Variants in RBM33 observed in about 807,000 individuals in gnomAD.
RBM33 encodes RNA-binding protein 33.
Under a neutral mutation model 132.6 loss-of-function variants are expected in RBM33, and 28 were observed. The ratio of observed to expected loss-of-function variants is 0.21; its 90% CI spans 0.16 to 0.29. RBM33 has a LOEUF of 0.29. RBM33 is among the 10% of genes least tolerant of loss of function. The pLI is 1.00. For synonymous variants in RBM33, 634 were observed against 593.0 expected, an observed-to-expected ratio of 1.07 and a Z score of -1.01; for missense variants, 1,291 against 1,518.5, an observed-to-expected ratio of 0.85 and a Z score of 2.49.
At chr7:155,767,791 C>T (rs1802274233) in intron 16 of RBM33, among the ~76,000 whole-genome samples, 1 of 152,152 alleles carries the variant, frequency 6.6e-6, no homozygotes. Flanking sequence ...CTATTAGAAG[C>T]GTACAGTGTA....
chr7:155,661,140 A>ATG (rs1448019979), intron 1 of RBM33, among the ~76,000 whole-genome samples: 1 of 69,014 alleles, frequency 1.4e-5, no homozygotes, highest in Non-Finnish European at 3.4e-5. Context: ...GTATATATAT[A>ATG]TATATATTTT....
At chr7:155,734,825 G>C (rs1223282982) in intron 9 of RBM33, among the ~76,000 whole-genome samples, 1 of 152,128 alleles carries the variant, frequency 6.6e-6, no homozygotes, top group Non-Finnish European at 1.5e-5. Context: ...AGTGTGATCA[G>C]TCAAACCTCT....
intron 3 of RBM33, among the ~76,000 whole-genome samples, chr7:155,678,269 G>A (rs1799242412): frequency 6.6e-6 from 1 of 152,154 alleles, no homozygotes; most frequent in Non-Finnish European, 1.5e-5. Flanking sequence ...AGTACCTTAA[G>A]GATATCTTTC....
chr7:155,718,969 A>T (rs58969967), intron 9 of RBM33, among the ~76,000 whole-genome samples: 32,366 of 149,582 alleles, frequency 0.22, 3,768 homozygotes, highest in African/African-American at 0.32. Flanking sequence ...TCTCTCTCTC[A>T]CACACACACA....
At chr7:155,725,203 G>GTTTTTTTTTTTTTTTTTTTT (rs59050644) in intron 9 of RBM33, among the ~76,000 whole-genome samples, 8 of 105,176 alleles carry the variant, frequency 7.6e-5, no homozygotes, top group African/African-American at 1.3e-4. Context: ...TTTTTTAGTT[G>GTTTTTTTTTTTTTTTTTTTT]TTTTTTTTTT....
chr7:155,652,089 G>T (rs555368001), intron 1 of RBM33, among the ~76,000 whole-genome samples: 1 of 152,254 alleles, frequency 6.6e-6, no homozygotes, highest in Non-Finnish European at 1.5e-5. Flanking sequence ...TTTAAATAAA[G>T]GATCTGGATT....
chr7:155,747,758 G>A (rs1801563103), intron 14 of RBM33, among the ~76,000 whole-genome samples: 2 of 152,208 alleles, frequency 1.3e-5, no homozygotes, highest in Admixed American at 1.3e-4. Context: ...GGTTTACTCA[G>A]TCCCCTCCAA....
intron 1 of RBM33, among the ~76,000 whole-genome samples, chr7:155,647,281 C>T (rs1798225932): frequency 6.6e-6 from 1 of 152,164 alleles, no homozygotes; most frequent in African/African-American, 2.4e-5. Context: ...AATTTCACAA[C>T]CTACAAAATG....
Position 155,763,900 on chromosome 7 carries a change from A to G in RBM33, c.3068A>G (p.Lys1023Arg), listed in dbSNP as rs1335543703. 6.2e-7 allele frequency: 1 copy of G among 1,610,188 alleles called. No individual in the cohort carries two copies. The highest frequency in any genetic ancestry group is 2.2e-5 in the East Asian group (1 of 44,736). Residue 1023 changes from lysine (K) to arginine (R), a missense_variant, in exon 15 of 18, where the codon AAG (lysine) becomes AGG (arginine). Physicochemically the swap from Lys to Arg is conservative, Grantham distance 26 (BLOSUM62 2). Around this residue, in one of 7 missense-constraint regions of RBM33, gnomAD observed 841 missense variants for 912.0 expected, o/e 0.92. Transcript: ENST00000401878. ...PPEVGPQPAR[K>R]VTLTRGGLQQ... ...GAAGTGGGACCACAGCCTGCCCGCA[A>G]GGTGACGCTGACCAGGGGGGGCCTC...
intron 7 of RBM33, among the ~76,000 whole-genome samples, chr7:155,708,791 G>A (rs1394815421): frequency 1.3e-5 from 2 of 152,112 alleles, no homozygotes; most frequent in South Asian, 2.1e-4. Flanking sequence ...CTCCAACTGC[G>A]TTCTGTTACA....
At chr7:155,659,385 AAGT>A (rs769465468) in intron 1 of RBM33, among the ~76,000 whole-genome samples, 1 of 152,180 alleles carries the variant, frequency 6.6e-6, no homozygotes, top group Non-Finnish European at 1.5e-5. Context: ...ATATATGAAG[AAGT>A]AGAGAATATT....
In RBM33 at chr7:155,774,060, C is replaced by T. The variant is rs1227272695; in HGVS notation, c.3376-499C>T. Among the ~76,000 whole-genome samples, 1 of 152,232 alleles carries T rather than the reference C, an allele frequency of 6.6e-6. No individual in the cohort carries two copies. Among genetic ancestry groups the T allele is most frequent in the Non-Finnish European group, 1.5e-5 (1 of 68,046 alleles). On this transcript the variant is annotated intron_variant, in intron 16 of 17. Transcript: ENST00000401878. The surrounding 1 kb of genome is among the most constrained non-coding windows in gnomAD (Gnocchi z 4.2). ...GATGTCTGCCCCAGGCACCACTGCC[C>T]TCACCATGGCCCAGCCAGATGCACA...
At chr7:155,761,434 G>A (rs1802033384) in intron 14 of RBM33, among the ~76,000 whole-genome samples, 1 of 151,972 alleles carries the variant, frequency 6.6e-6, no homozygotes. Flanking sequence ...AAGCTATTTG[G>A]GTCTTTGTTT....
At chr7:155,669,477 C>T (rs376635793) in intron 2 of RBM33, among the ~76,000 whole-genome samples, 73 of 152,212 alleles carry the variant, frequency 4.8e-4, no homozygotes, top group Admixed American at 3.3e-3. Flanking sequence ...CTCAGTCTCC[C>T]GAGTAGCCGG....
At chr7:155,746,859 CA>C (rs1424028401) in intron 14 of RBM33, among the ~76,000 whole-genome samples, 1 of 152,128 alleles carries the variant, frequency 6.6e-6, no homozygotes, top group Non-Finnish European at 1.5e-5. Flanking sequence ...TTAAAAGACA[CA>C]AAAAATGTAT....
intron 5 of RBM33, among the ~76,000 whole-genome samples, chr7:155,688,969 G>A (rs181755526): frequency 1.0e-3 from 152 of 152,312 alleles, no homozygotes; most frequent in African/African-American, 3.6e-3. Flanking sequence ...TTTGGTATCA[G>A]GATGATGCTG....
chr7:155,680,764 G>C lies in RBM33; in HGVS notation c.423G>C (p.Glu141Asp). 1 of 1,613,718 alleles carries C rather than the reference G, an allele frequency of 6.2e-7. No homozygotes were observed. Among genetic ancestry groups the C allele is most frequent in the Non-Finnish European group, 8.5e-7 (1 of 1,179,774 alleles). Reference sequence around the variant, plus strand: ...ATGGATCAGAATTGTATACTCAAGAGTACCCAGAAGAAGGACAGTATGAAG... The same window carrying C: ...ATGGATCAGAATTGTATACTCAAGACTACCCAGAAGAAGGACAGTATGAAG... ...KSDGSELYTQ[E>D]YPEEGQYEGH... Residue 141 changes from glutamate (E) to aspartate (D), a missense_variant, in exon 5 of 18, where the codon GAG becomes GAC. Glu to Asp is a conservative substitution (Grantham distance 45). Transcript: ENST00000401878.
chr7:155,745,582 G>A lies in RBM33; in HGVS notation c.2959G>A (p.Val987Met), dbSNP rs768404568. ...DGPHISSKVR[V>M]IKLSGGGGES... ...GCCCCACATCAGCTCCAAGGTCAGGGTGATTAAGCTGTCAGGTGGGGTAAG... is the reference window on the plus strand; with the variant it reads ...GCCCCACATCAGCTCCAAGGTCAGGATGATTAAGCTGTCAGGTGGGGTAAG... The change falls in exon 14 of 18, where the codon GTG (valine) becomes ATG (methionine). Residue 987 changes from valine to methionine, a missense_variant. Val to Met is a conservative substitution (Grantham distance 21). Coordinates refer to ENST00000401878, the MANE Select transcript of RBM33 (RefSeq NM_053043.3). This position sits in a 1 kb window ranked among gnomAD's most constrained non-coding sequence, Gnocchi z 4.1. 2.5e-6 allele frequency: 4 copies of A among 1,594,264 alleles called. No individual in the cohort carries two copies. The highest frequency in any genetic ancestry group is 3.5e-5 in the Admixed American group (2 of 57,926).
intron 2 of RBM33, among the ~76,000 whole-genome samples, chr7:155,672,365 C>T (rs1798966040): frequency 6.6e-6 from 1 of 152,134 alleles, no homozygotes; most frequent in Non-Finnish European, 1.5e-5. Context: ...ATAGCAAAGC[C>T]TCCCCATACT....
Sources: gnomAD v4.1 joint callset for allele counts (sites outside exome capture counted in the v4.1 genomes callset) on GRCh38, gnomAD v4.1.1 for gene constraint, gnomAD v4.1.1 regional missense constraint, Gnocchi (gnomAD v3.1) non-coding constraint, MANE v1.5 for transcripts, NCBI Gene and HGNC (gene_info 2026-07-23, HGNC 2026-07-21) for gene names.